The following VIPR2 variants were observed in gnomAD, a reference collection of about 807,000 sequenced individuals.
VIPR2 encodes the protein vasoactive intestinal polypeptide receptor 2.
Under a neutral mutation model 58.0 loss-of-function variants are expected in VIPR2, and 48 were observed. That is an observed-to-expected ratio of 0.83 (90% confidence interval 0.66 to 1.05). The LOEUF (loss-of-function observed/expected upper bound fraction) is 1.05, where lower values mean the gene tolerates loss of function less well. VIPR2 is among the 50% of genes least tolerant of loss of function. The pLI is 0.00. For synonymous variants in VIPR2, 243 were observed against 235.2 expected (o/e 1.03, Z -0.30); for missense variants, 534 against 558.0 (o/e 0.96, Z 0.43).
intron 2 of VIPR2, among the ~76,000 whole-genome samples, chr7:159,110,696 AAACAAACAAACAAAC>A (rs1156619696): frequency 2.5e-5 from 3 of 118,844 alleles, no homozygotes; most frequent in Non-Finnish European, 4.1e-5. Flanking sequence ...TTGGTCGGTA[AAACAAACAAACAAAC>A]AAACAAACAA....
chr7:159,063,784 G>A (rs547080283), intron 4 of VIPR2, among the ~76,000 whole-genome samples: 2 of 118,418 alleles, frequency 1.7e-5, no homozygotes, highest in African/African-American at 4.1e-5. Flanking sequence ...TCCAGGTGGG[G>A]TCTGGGGGTC....
At chr7:159,046,347 T>TCC (rs2129493586) in intron 5 of VIPR2, among the ~76,000 whole-genome samples, 1 of 152,332 alleles carries the variant, frequency 6.6e-6, no homozygotes, top group African/African-American at 2.4e-5. Context: ...ATAAACTAAA[T>TCC]GTGGCATATC....
chr7:159,032,920 G>T (rs575096441), intron 10 of VIPR2, among the ~76,000 whole-genome samples: 1 of 151,950 alleles, frequency 6.6e-6, no homozygotes. Context: ...AGGCACCACC[G>T]GACTCCCCTG....
At chr7:159,043,473 G>A (rs1315713746) in intron 5 of VIPR2, among the ~76,000 whole-genome samples, 5 of 152,152 alleles carry the variant, frequency 3.3e-5, no homozygotes, top group African/African-American at 1.2e-4. Flanking sequence ...TTAAAAAACT[G>A]TTAAAATCCC....
intron 5 of VIPR2, among the ~76,000 whole-genome samples, chr7:159,043,645 C>T (rs969483711): frequency 1.3e-5 from 2 of 152,198 alleles, no homozygotes; most frequent in African/African-American, 4.8e-5. Flanking sequence ...CCCTTTTCCA[C>T]CCCACCCCAA....
intron 2 of VIPR2, among the ~76,000 whole-genome samples, chr7:159,135,032 A>ATTTTTTTT (rs1797155596): frequency 5.7e-5 from 1 of 17,400 alleles, no homozygotes; most frequent in African/African-American, 2.6e-4. Flanking sequence ...TTTTTTTTTA[A>ATTTTTTTT]CATTTTAAGT....
At chr7:159,144,346 C>T (rs1460011441) in intron 1 of VIPR2, 1 of 1,537,036 alleles carries the variant, frequency 6.5e-7, no homozygotes, top group South Asian at 1.2e-5. Flanking sequence ...AACGCCAACC[C>T]CGATCTCCCC....
At chr7:159,056,714 C>G (rs1242595718) in intron 5 of VIPR2, among the ~76,000 whole-genome samples, 1 of 152,190 alleles carries the variant, frequency 6.6e-6, no homozygotes, top group Admixed American at 6.5e-5. Context: ...AAGAAATGTT[C>G]AATGCCCGCA....
chr7:159,107,115 C>T (rs1291302706), intron 3 of VIPR2, among the ~76,000 whole-genome samples: 1 of 152,256 alleles, frequency 6.6e-6, no homozygotes, highest in South Asian at 2.1e-4. Flanking sequence ...CTATTCCAAG[C>T]CCCATGAGCC....
intron 2 of VIPR2, among the ~76,000 whole-genome samples, chr7:159,126,821 T>C (rs1426063270): frequency 6.6e-6 from 1 of 151,966 alleles, no homozygotes; most frequent in Non-Finnish European, 1.5e-5. Flanking sequence ...TGAGCATTCG[T>C]TTCTCCAGCA....
At position 159,096,843 on chromosome 7, in the gene VIPR2, G is replaced by A. The variant is rs1226971254; in HGVS notation, c.357+6914C>T. Reference sequence around the variant, plus strand: ...CTCTTGTCCCGGCCCACCTCGGGATGCTTCCGCCGTACTGTGTCCATGGCT... The same window carrying A: ...CTCTTGTCCCGGCCCACCTCGGGATACTTCCGCCGTACTGTGTCCATGGCT... On this transcript the variant is annotated intron_variant, in intron 4 of 12. Transcript: ENST00000262178. This position sits in a 1 kb window ranked among gnomAD's most constrained non-coding sequence, Gnocchi z 5.5. 1.3e-6 allele frequency: 2 copies of A among 1,494,462 alleles called. No homozygotes were observed. Among genetic ancestry groups the A allele is most frequent in the South Asian group, 2.6e-5 (2 of 77,738 alleles). The allele number at this position is 1,494,462 out of a possible 1,614,324, so 92.6% of individuals were successfully genotyped here. A position where few individuals can be genotyped will look rare whatever the true frequency, so the allele number is the denominator to read the frequency against.
At chr7:159,136,189 C>T (rs435969) in intron 2 of VIPR2, among the ~76,000 whole-genome samples, 3 of 151,600 alleles carry the variant, frequency 2.0e-5, no homozygotes, top group Non-Finnish European at 4.4e-5. Flanking sequence ...TTCTTGCTGG[C>T]GGGGACTTTT....
intron 4 of VIPR2, among the ~76,000 whole-genome samples, chr7:159,085,323 C>A (rs540506885): frequency 6.6e-6 from 1 of 152,226 alleles, no homozygotes; most frequent in African/African-American, 2.4e-5. Flanking sequence ...TGAGACGGAG[C>A]CTTGCTCTGT....
chr7:159,048,508 C>A (rs1854783389), intron 5 of VIPR2, among the ~76,000 whole-genome samples: 2 of 152,062 alleles, frequency 1.3e-5, no homozygotes, highest in Admixed American at 6.6e-5. Context: ...AATCAGTGAC[C>A]AAATTGAACT....
At chr7:159,057,488 C>T (rs933360509) in intron 5 of VIPR2, among the ~76,000 whole-genome samples, 10 of 152,180 alleles carry the variant, frequency 6.6e-5, no homozygotes, top group African/African-American at 2.2e-4. Flanking sequence ...TTCTCAACCA[C>T]TCCTAACTTG....
intron 4 of VIPR2, among the ~76,000 whole-genome samples, chr7:159,073,762 C>T (rs1162090068): frequency 6.6e-6 from 1 of 152,094 alleles, no homozygotes; most frequent in East Asian, 1.9e-4. Flanking sequence ...CTCATTAGAA[C>T]AATTCCTTTC....
chr7:159,119,418 C>A (rs903594502), intron 2 of VIPR2, among the ~76,000 whole-genome samples: 2 of 152,188 alleles, frequency 1.3e-5, no homozygotes, highest in Admixed American at 1.3e-4. Context: ...CAACACGTGG[C>A]CTGCGTCTCC....
chr7:159,118,656 A>G (rs1796336950), intron 2 of VIPR2, among the ~76,000 whole-genome samples: 1 of 152,258 alleles, frequency 6.6e-6, no homozygotes, highest in Non-Finnish European at 1.5e-5. Flanking sequence ...ACAGAGATGC[A>G]TGATCAGGTC....
At chr7:159,094,798 T>C (rs1458905010) in intron 4 of VIPR2, among the ~76,000 whole-genome samples, 1 of 152,230 alleles carries the variant, frequency 6.6e-6, no homozygotes, top group African/African-American at 2.4e-5. Context: ...AGAACTTATT[T>C]TCTTTTAAAA....
Sources: gnomAD v4.1 joint callset for allele counts (sites outside exome capture counted in the v4.1 genomes callset) on GRCh38, gnomAD v4.1.1 for gene constraint, Gnocchi (gnomAD v3.1) non-coding constraint, MANE v1.5 for transcripts, NCBI Gene and HGNC (gene_info 2026-07-23, HGNC 2026-07-21) for gene names.